Variants in MYO9A observed in about 807,000 individuals in gnomAD.
MYO9A encodes unconventional myosin-IXa.
Under a neutral mutation model 293.3 loss-of-function variants are expected in MYO9A, and 103 were observed. The observed-to-expected ratio is 0.35, with a 90% confidence interval of 0.30 to 0.41. The LOEUF is 0.41. MYO9A is among the 10% of genes least tolerant of loss of function. MYO9A has a pLI of 1.00. For synonymous variants in MYO9A, 1,001 were observed against 1,035.7 expected, an observed-to-expected ratio of 0.97 and a Z score of 0.64; for missense variants, 2,685 against 3,033.0, an observed-to-expected ratio of 0.89 and a Z score of 2.69.
chr15:71,921,086 C>T (rs2058144523), intron 18 of MYO9A, among the ~76,000 whole-genome samples: 2 of 151,978 alleles, frequency 1.3e-5, no homozygotes, highest in South Asian at 4.1e-4. Context: ...GAAGCTGTCA[C>T]TAAAACAATG....
chr15:71,835,512 T>A (rs2054903985), intron 39 of MYO9A, among the ~76,000 whole-genome samples: 1 of 152,122 alleles, frequency 6.6e-6, no homozygotes, highest in African/African-American at 2.4e-5. Flanking sequence ...ATAAAAATTT[T>A]AAAATAATAC....
At chr15:71,925,907 T>C (rs1042587750) in intron 18 of MYO9A, among the ~76,000 whole-genome samples, 4 of 152,176 alleles carry the variant, frequency 2.6e-5, no homozygotes, top group African/African-American at 9.7e-5. Flanking sequence ...CCAGTGAGTT[T>C]TATTCTTTTG....
intron 27 of MYO9A, among the ~76,000 whole-genome samples, chr15:71,886,729 GT>G (rs1309431762): frequency 6.6e-6 from 1 of 151,932 alleles, no homozygotes; most frequent in African/African-American, 2.4e-5. Flanking sequence ...TCACTTCTAA[GT>G]TTTTTTGAGG....
At chr15:71,987,647 C>A (rs2076439036) in intron 11 of MYO9A, among the ~76,000 whole-genome samples, 1 of 152,202 alleles carries the variant, frequency 6.6e-6, no homozygotes, top group African/African-American at 2.4e-5. Flanking sequence ...TATTACATCT[C>A]TCTCCCATCC....
intron 34 of MYO9A, among the ~76,000 whole-genome samples, chr15:71,855,109 G>C (rs1210605186): frequency 6.6e-6 from 1 of 152,074 alleles, no homozygotes; most frequent in Non-Finnish European, 1.5e-5. Flanking sequence ...TAGCGTATCT[G>C]ATATCACACT....
rs1293191299 is a variant in MYO9A at position 72,044,675 on chromosome 15, C to G, written c.840+1049G>C. Among the ~76,000 whole-genome samples the G allele has an allele frequency of 2.6e-5, 4 of 152,206 alleles. No individual in the cohort carries two copies. The East Asian group carries it at 5.8e-4, about 22-fold the overall frequency. On this transcript the variant is annotated intron_variant, in intron 2 of 41. Transcript: ENST00000356056. ...TTCCTTTTGACATTGGATGGTATTA[C>G]TTGTAAAACATCCCACAACTAAACA...
chr15:72,008,090 TA>T, intron 7 of MYO9A, 138 bp from the exon 8 acceptor site: 1 of 1,016,082 alleles, frequency 9.8e-7, no homozygotes, highest in Admixed American at 3.1e-5. Flanking sequence ...TGGGAATAAT[TA>T]CTAAAATTTA....
chr15:71,951,870 T>C lies in MYO9A; in HGVS notation c.2209A>G (p.Ile737Val), dbSNP rs138250387. 13 of 1,611,598 alleles carry C rather than the reference T, an allele frequency of 8.1e-6. No individual in the cohort carries two copies. The highest frequency in any genetic ancestry group is 4.0e-5 in the African/African-American group (3 of 74,600). ...TGHDDTAPCA[I>V]LKSMDSFSFL... ...CTAAAACTATCCATACTTTTCAAAA[T>C]TGCACATGGCGCTGTATCATCATGT... Residue 737 changes from isoleucine (I) to valine (V), a missense_variant, in exon 15 of 42, where the codon ATT becomes GTT. Transcript: ENST00000356056.
At chr15:71,836,221 T>C (rs1396721012) in intron 39 of MYO9A, among the ~76,000 whole-genome samples, 1 of 152,028 alleles carries the variant, frequency 6.6e-6, no homozygotes, top group Non-Finnish European at 1.5e-5. Flanking sequence ...GGCAAGAGCT[T>C]TGAACAGGCT....
At chr15:71,964,375 G>T (rs2075818331) in intron 13 of MYO9A, among the ~76,000 whole-genome samples, 1 of 151,960 alleles carries the variant, frequency 6.6e-6, no homozygotes. Context: ...AATCAAGCAT[G>T]GTGGCTCACA....
Position 71,948,258 on chromosome 15 carries a change from AAT to A in MYO9A, c.2302+3517_2302+3518del, listed in dbSNP as rs570061822. The stretch of plus-strand genomic sequence containing the variant: ...TTTTTTAATTAAGAGAAGCCAAGAA[AAT>A]ATGTGTAGTCATTTATATTTTTATA... On this transcript the variant is annotated intron_variant, in intron 15 of 41. Coordinates refer to ENST00000356056, the MANE Select transcript of MYO9A (RefSeq NM_006901.4). 1.2e-4 allele frequency among the ~76,000 whole-genome samples: 18 copies of A among 152,314 alleles called. No homozygotes were observed. The East Asian group carries it at 2.9e-3, about 24-fold the overall frequency.
chr15:71,975,450 G>A (rs2076119007), intron 12 of MYO9A, among the ~76,000 whole-genome samples: 1 of 138,946 alleles, frequency 7.2e-6, no homozygotes, highest in Admixed American at 7.3e-5. Flanking sequence ...CATGGTTCCT[G>A]ACTTATTAAC....
At chr15:72,111,744 C>T (rs2080789793) in intron 1 of MYO9A, among the ~76,000 whole-genome samples, 1 of 151,502 alleles carries the variant, frequency 6.6e-6, no homozygotes, top group Admixed American at 6.6e-5. Context: ...TCAAGTGATC[C>T]TCCCACCTCA....
intron 26 of MYO9A, chr15:71,893,053 T>TCAATAATG: frequency 7.8e-7 from 1 of 1,289,852 alleles, no homozygotes; most frequent in Non-Finnish European, 1.0e-6. Context: ...GAGAAGGGGC[T>TCAATAATG]CAATAATGTC....
At chr15:71,850,752 T>C (rs1403299510) in intron 37 of MYO9A, among the ~76,000 whole-genome samples, 1 of 90,728 alleles carries the variant, frequency 1.1e-5, no homozygotes, top group Non-Finnish European at 2.0e-5. Context: ...GGTGACAGAC[T>C]GAAACTGTGT....
At chr15:72,024,035 G>A (rs2077588019) in intron 4 of MYO9A, among the ~76,000 whole-genome samples, 1 of 151,428 alleles carries the variant, frequency 6.6e-6, no homozygotes, top group Non-Finnish European at 1.5e-5. Context: ...TCAAAACGTT[G>A]AAAGGAAAAA....
Position 72,020,974 on chromosome 15 carries a change from C to G in MYO9A, c.1042G>C (p.Asp348His). 6.4e-7 allele frequency: 1 copy of G among 1,554,412 alleles called. No individual in the cohort carries two copies. Among genetic ancestry groups the G allele is most frequent in the South Asian group, 1.3e-5 (1 of 77,896 alleles). ...TTAAGATGGAATGCTGATCTCTCAT[C>G]TTCACTTGCTCCTGCCAGGAGGTAA... is the stretch of plus-strand genomic sequence containing the variant. ...FYYLLAGASE[D>H]ERSAFHLKQP... Residue 348 changes from aspartate to histidine, a missense_variant, in exon 5 of 42, where the codon GAT (aspartate) becomes CAT (histidine). By Grantham distance (81) the Asp-to-His change is moderately conservative. Coordinates refer to ENST00000356056, the MANE Select transcript of MYO9A (RefSeq NM_006901.4).
intron 1 of MYO9A, among the ~76,000 whole-genome samples, chr15:72,107,766 C>A (rs2080623190): frequency 6.7e-6 from 1 of 148,286 alleles, no homozygotes; most frequent in Admixed American, 6.8e-5. Flanking sequence ...TGAAGAAGCT[C>A]CCACTGTCCT....
At chr15:71,974,962 T>C (rs1164543704) in intron 12 of MYO9A, among the ~76,000 whole-genome samples, 1 of 152,190 alleles carries the variant, frequency 6.6e-6, no homozygotes, top group African/African-American at 2.4e-5. Flanking sequence ...GGGTTATTCA[T>C]TGAGGGAAAT....
Sources: allele counts gnomAD v4.1 joint callset (sites outside exome capture counted in the v4.1 genomes callset), GRCh38; gene constraint gnomAD v4.1.1; transcripts MANE v1.5; gene names NCBI Gene and HGNC (gene_info 2026-07-23, HGNC 2026-07-21).